STK32A: variants seen among roughly 807,000 people sequenced by gnomAD.
The protein encoded by STK32A is serine/threonine-protein kinase 32A.
In STK32A, 41 loss-of-function variants were observed where a neutral mutation model predicts 53.2. The observed-to-expected ratio is 0.77, with a 90% CI of 0.60 to 1.00. STK32A has a LOEUF of 1.00. Ranked by LOEUF, STK32A falls within the 50% of genes least tolerant of loss-of-function variation. The pLI, the probability that STK32A is intolerant of heterozygous loss-of-function variation, is 0.00. For synonymous variants in STK32A, 166 were observed against 162.8 expected (o/e 1.02, Z -0.15); for missense variants, 458 against 485.8 (o/e 0.94, Z 0.54).
intron 2 of STK32A, 103 bp from the exon 3 acceptor site, chr5:147,278,021 T>G: frequency 2.1e-6 from 2 of 969,588 alleles, no homozygotes; most frequent in Non-Finnish European, 3.2e-6. Context: ...TCTGAGATCA[T>G]GTTTTAGACA....
At chr5:147,372,659 A>G (rs1195461712) in intron 9 of STK32A, among the ~76,000 whole-genome samples, 1 of 152,142 alleles carries the variant, frequency 6.6e-6, no homozygotes, top group African/African-American at 2.4e-5. Context: ...ATCTAGAACT[A>G]TAACAGTTAC....
chr5:147,241,558 A>C lies in STK32A; in HGVS notation c.52+1872A>C, dbSNP rs147092932. On this transcript the variant is annotated intron_variant, in intron 2 of 12. Coordinates refer to ENST00000397936, the MANE Select transcript of STK32A (RefSeq NM_001112724.2). ...GACGCCTTGTTTCAAGCTATTCACTATCAGTTTGGAGGCCCATTCTTACTA... is the reference window on the plus strand; with the variant it reads ...GACGCCTTGTTTCAAGCTATTCACTCTCAGTTTGGAGGCCCATTCTTACTA... Among the ~76,000 whole-genome samples the C allele has an allele frequency of 4.3e-4, 65 of 152,302 alleles. No individual in the cohort carries two copies. The East Asian group carries it at 0.012, about 27-fold the overall frequency.
intron 4 of STK32A, among the ~76,000 whole-genome samples, chr5:147,287,947 T>C (rs1248461580): frequency 6.6e-6 from 1 of 152,126 alleles, no homozygotes; most frequent in Non-Finnish European, 1.5e-5. Flanking sequence ...CAAAGTTGAT[T>C]TCATTCTGTT....
Position 147,348,010 on chromosome 5 carries a change from A to G in STK32A, c.473-3055A>G, listed in dbSNP as rs920115636. Among the ~76,000 whole-genome samples, 3 of 152,312 alleles carry G rather than the reference A, an allele frequency of 2.0e-5. No individual in the cohort carries two copies. The East Asian group carries it at 5.8e-4, about 29-fold the overall frequency. On this transcript the variant is annotated intron_variant, in intron 6 of 12. Transcript: ENST00000397936. Reference sequence around the variant, plus strand: ...GACTAGAACTCTGAGCCAATCAGAAATTAACTGTTTTAGGTTATTCAGTTC... The same window carrying G: ...GACTAGAACTCTGAGCCAATCAGAAGTTAACTGTTTTAGGTTATTCAGTTC...
intron 4 of STK32A, among the ~76,000 whole-genome samples, chr5:147,299,652 T>C (rs911102104): frequency 1.3e-5 from 2 of 152,176 alleles, no homozygotes; most frequent in Non-Finnish European, 2.9e-5. Context: ...ATAGCATTTA[T>C]TGGGGCTCAA....
At chr5:147,245,344 C>A (rs7736308) in intron 2 of STK32A, among the ~76,000 whole-genome samples, 119,181 of 152,152 alleles carry the variant, frequency 0.78, 47,110 homozygotes, top group African/African-American at 0.87. Context: ...ATGCAGAAAA[C>A]CATTTTTTGT....
chr5:147,375,426 T>C, intron 11 of STK32A: 2 of 470,796 alleles, frequency 4.2e-6, no homozygotes, highest in Non-Finnish European at 7.3e-6. Flanking sequence ...GCTTTCCGTC[T>C]AGAGTTCTGC....
intron 11 of STK32A, chr5:147,383,220 GC>G: frequency 1.8e-6 from 1 of 571,400 alleles, no homozygotes; most frequent in Non-Finnish European, 3.1e-6. Context: ...GACAGATTCT[GC>G]CAGTGCAATC....
At chr5:147,397,282 C>G in the STK32A span, among the ~76,000 whole-genome samples, 1 of 151,622 alleles carries the variant, frequency 6.6e-6, no homozygotes, top group Admixed American at 6.6e-5. Context: ...GTGTTTGCCC[C>G]TGTGGAGCAG....
At chr5:147,338,896 TCA>T (rs1467223313) in intron 5 of STK32A, among the ~76,000 whole-genome samples, 15 of 152,210 alleles carry the variant, frequency 9.9e-5, no homozygotes, top group Admixed American at 9.8e-4. Flanking sequence ...TTTTATTCAT[TCA>T]CAAAGATATG....
At chr5:147,393,950 G>T in the STK32A span, 3 of 1,375,462 alleles carry the variant, frequency 2.2e-6, no homozygotes, top group Non-Finnish European at 3.1e-6. Context: ...GTTTGGATTC[G>T]CTTTCCTTCT....
chr5:147,282,802 C>CT (rs1752125903), intron 4 of STK32A, among the ~76,000 whole-genome samples: 1 of 152,036 alleles, frequency 6.6e-6, no homozygotes, highest in Non-Finnish European at 1.5e-5. Context: ...AAAACAATTA[C>CT]TAATTGACCT....
chr5:147,368,964 A>C (rs1249751426), intron 8 of STK32A, among the ~76,000 whole-genome samples: 1 of 152,202 alleles, frequency 6.6e-6, no homozygotes, highest in Non-Finnish European at 1.5e-5. Flanking sequence ...TACACATATA[A>C]GCCTAGAAGC....
chr5:147,400,971 A>G, the STK32A span: 1 of 1,164,144 alleles, frequency 8.6e-7, no homozygotes, highest in Non-Finnish European at 1.2e-6. Context: ...CTTACTAGAT[A>G]TATGAGCTTG....
At chr5:147,365,216 G>C (rs1008302820) in intron 8 of STK32A, among the ~76,000 whole-genome samples, 1 of 152,078 alleles carries the variant, frequency 6.6e-6, no homozygotes, top group African/African-American at 2.4e-5. Context: ...GCTTTATCTT[G>C]CTCAGGAAAT....
intron 1 of STK32A, among the ~76,000 whole-genome samples, chr5:147,235,614 C>A (rs1753278597): frequency 1.3e-5 from 2 of 152,212 alleles, no homozygotes; most frequent in African/African-American, 4.8e-5. Flanking sequence ...AAAATCAGAG[C>A]TGTAGGGATC....
intron 2 of STK32A, among the ~76,000 whole-genome samples, chr5:147,274,177 G>A (rs1306751787): frequency 6.6e-6 from 1 of 152,160 alleles, no homozygotes; most frequent in African/African-American, 2.4e-5. Context: ...CAGATACAAT[G>A]GCTGTGAAGG....
chr5:147,319,293 C>T (rs917345558), intron 4 of STK32A, among the ~76,000 whole-genome samples: 1 of 151,910 alleles, frequency 6.6e-6, no homozygotes, highest in Admixed American at 6.6e-5. Flanking sequence ...CGGGTGCATG[C>T]CACCACCCCC....
chr5:147,257,622 T>G (rs1218476290), intron 2 of STK32A, among the ~76,000 whole-genome samples: 3 of 152,070 alleles, frequency 2.0e-5, no homozygotes, highest in Admixed American at 6.6e-5. Flanking sequence ...CTTTCTTGAC[T>G]CGGGTGTGAT....
Sources: allele counts gnomAD v4.1 joint callset (sites outside exome capture counted in the v4.1 genomes callset), GRCh38; gene constraint gnomAD v4.1.1; transcripts MANE v1.5; gene names NCBI Gene and HGNC (gene_info 2026-07-23, HGNC 2026-07-21).